PCNX4: variants seen among roughly 807,000 people sequenced by gnomAD.
PCNX4 encodes pecanex-like protein 4.
In PCNX4, 103 loss-of-function variants were observed where a neutral mutation model predicts 107.2. The observed-to-expected ratio is 0.96, with a 90% confidence interval of 0.82 to 1.13. The LOEUF is 1.13. PCNX4 is among the 50% of genes most tolerant of loss of function. The probability of loss-of-function intolerance (pLI) is 0.00; values close to 1 mark genes in which losing one functional copy is unlikely to be tolerated. For missense variants in PCNX4, 1,528 were observed against 1,379.4 expected, an observed-to-expected ratio of 1.11 and a Z score of -1.71; for synonymous variants, 541 against 481.7, an observed-to-expected ratio of 1.12 and a Z score of -1.61.
Position 60,107,737 on chromosome 14 carries a change from C to A in PCNX4, c.99C>A (p.Gly33=), listed in dbSNP as rs780171075. The A allele has an allele frequency of 6.2e-7, 1 of 1,612,608 alleles. No homozygotes were observed. The highest frequency in any genetic ancestry group is 1.1e-5 in the South Asian group (1 of 91,076). ...TTGGAGGCCCTCGATTCAAATTAGG[C>A]TATTGTGCCCCTCCTTACATATATG... is the stretch of plus-strand genomic sequence containing the variant. ...TVLGGPRFKL[G]YCAPPYIYVN... The change falls in exon 2 of 11, where the codon GGC becomes GGA. Residue 33 remains glycine, a synonymous_variant. Coordinates refer to ENST00000406854, the MANE Select transcript of PCNX4 (RefSeq NM_001330177.2).
chr14:60,115,462 G>A lies in PCNX4; in HGVS notation c.1357+1G>A, dbSNP rs751326164. ...GTCAGACGGATTTTGCTAACTTTAG[G>A]TAGGAAGATAAAGTCTATTAACCTT... On this transcript the variant is annotated splice_donor_variant, in intron 4 of 10. Coordinates refer to ENST00000406854, the MANE Select transcript of PCNX4 (RefSeq NM_001330177.2). LOFTEE classifies it high-confidence loss of function. The A allele has an allele frequency of 4.3e-5, 65 of 1,517,474 alleles. No homozygotes were observed. The highest frequency in any genetic ancestry group is 1.2e-5 in the Non-Finnish European group (14 of 1,140,730). The allele number at this position is 1,517,474 out of a possible 1,614,324, so 94.0% of individuals were successfully genotyped here.
chr14:60,127,772 A>G (rs1896082602), intron 10 of PCNX4, among the ~76,000 whole-genome samples: 1 of 152,224 alleles, frequency 6.6e-6, no homozygotes, highest in South Asian at 2.1e-4. Flanking sequence ...AAAGCAGACA[A>G]CCAGGCTTGC....
intron 10 of PCNX4, among the ~76,000 whole-genome samples, chr14:60,128,477 C>T (rs1474808861): frequency 6.6e-6 from 1 of 152,076 alleles, no homozygotes; most frequent in Non-Finnish European, 1.5e-5. Flanking sequence ...AAAGGTTAAC[C>T]AAGGACCCTA....
Position 60,124,260 on chromosome 14 carries a change from C to G in PCNX4, c.2089C>G (p.Arg697Gly). The change falls in exon 9 of 11, where the codon CGC becomes GGC. Residue 697 changes from arginine (R) to glycine (G), a missense_variant. By Grantham distance (125) the Arg-to-Gly change is moderately radical. Transcript: ENST00000406854. ...QETSCHTAEA[R>G]RVDEVFEDAF... ...AACATCCTGTCATACTGCAGAAGCT[C>G]GCAGAGTTGATGAAGTTTTTGAAGA... 1 of 1,602,026 alleles carries G rather than the reference C, an allele frequency of 6.2e-7. No individual in the cohort carries two copies. The highest frequency in any genetic ancestry group is 8.5e-7 in the Non-Finnish European group (1 of 1,173,692).
intron 2 of PCNX4, among the ~76,000 whole-genome samples, chr14:60,114,095 G>A (rs1436723181): frequency 3.9e-5 from 6 of 152,212 alleles, no homozygotes. Flanking sequence ...CAGAGATACA[G>A]TCATAACCTG....
chr14:60,134,068 A>T lies in PCNX4; in HGVS notation c.3366A>T (p.Ser1122=). 2 of 1,613,874 alleles carry T rather than the reference A, an allele frequency of 1.2e-6. No homozygotes were observed. The highest frequency in any genetic ancestry group is 1.7e-6 in the Non-Finnish European group (2 of 1,179,800). Residue 1122 remains serine, a synonymous_variant, in exon 11 of 11, where the codon TCA becomes TCT. Coordinates refer to ENST00000406854, the MANE Select transcript of PCNX4 (RefSeq NM_001330177.2). ...EAVRGQWANL[S]WELLYATNDD... The stretch of plus-strand genomic sequence containing the variant: ...TTAGAGGTCAGTGGGCCAATCTTTC[A>T]TGGGAATTACTTTATGCCACAAACG...
intron 1 of PCNX4, among the ~76,000 whole-genome samples, chr14:60,094,720 C>G (rs373376636): frequency 1.1e-4 from 17 of 151,736 alleles, no homozygotes; most frequent in African/African-American, 3.1e-4. Context: ...CTGCACCCCC[C>G]ACCTCTGCAG....
At chr14:60,131,573 A>G (rs961008866) in intron 10 of PCNX4, among the ~76,000 whole-genome samples, 2 of 152,002 alleles carry the variant, frequency 1.3e-5, no homozygotes, top group Non-Finnish European at 2.9e-5. Flanking sequence ...CTAAATAAAT[A>G]AACATCCAGT....
intron 1 of PCNX4, among the ~76,000 whole-genome samples, chr14:60,095,337 G>A (rs1158117395): frequency 6.6e-6 from 1 of 152,146 alleles, no homozygotes; most frequent in African/African-American, 2.4e-5. Flanking sequence ...TGGGGTAGGG[G>A]AACAATCAGA....
intron 8 of PCNX4, among the ~76,000 whole-genome samples, 169 bp downstream of exon 8, chr14:60,121,468 G>A (rs1895954726): frequency 6.6e-6 from 1 of 152,016 alleles, no homozygotes; most frequent in African/African-American, 2.4e-5. Context: ...GTTGATAGGT[G>A]GACTAATGTT....
Position 60,115,162 on chromosome 14 carries a change from G to A in PCNX4, c.1058G>A (p.Trp353Ter), listed in dbSNP as rs758806716. ...AGTGGTCCGGAAAAACATTTTTCATGGAAGGAATGCCTTTTCTACATCATT... is the reference window on the plus strand; with the variant it reads ...AGTGGTCCGGAAAAACATTTTTCATAGAAGGAATGCCTTTTCTACATCATT... ...LPSGPEKHFS[W>*]KECLFYIIIL... The change falls in exon 4 of 11, where the codon TGG becomes TAG. Residue 353 changes from tryptophan (W) to a stop codon, truncating the protein, a stop_gained. Transcript: ENST00000406854. LOFTEE classifies it high-confidence loss of function. 1 of 1,613,426 alleles carries A rather than the reference G, an allele frequency of 6.2e-7. No homozygotes were observed. Among genetic ancestry groups the A allele is most frequent in the South Asian group, 1.1e-5 (1 of 91,060 alleles).
At chr14:60,093,011 GC>G (rs1421002079) in intron 1 of PCNX4, among the ~76,000 whole-genome samples, 2 of 152,272 alleles carry the variant, frequency 1.3e-5, no homozygotes, top group East Asian at 3.9e-4. Context: ...GGCAAAGACT[GC>G]CCTTCATGTT....
Position 60,134,215 on chromosome 14 carries a change from G to C in PCNX4, c.3513G>C (p.Leu1171Phe), listed in dbSNP as rs920097883. 6.2e-7 allele frequency: 1 copy of C among 1,612,694 alleles called. No homozygotes were observed. Among genetic ancestry groups the C allele is most frequent in the Non-Finnish European group, 8.5e-7 (1 of 1,179,110 alleles). Residue 1171 changes from leucine (L) to phenylalanine (F), a missense_variant, in exon 11 of 11, where the codon TTG becomes TTC. Transcript: ENST00000406854. ...IYSSKPLHIH[L>F]Y ...CTTCAAAACCTCTCCACATACATTTGTATTAGAGCTCATTTTGACTGTAAT... is the reference window on the plus strand; with the variant it reads ...CTTCAAAACCTCTCCACATACATTTCTATTAGAGCTCATTTTGACTGTAAT...
In PCNX4 at chr14:60,144,878, T is replaced by A; in HGVS notation, c.*10657T>A. On this transcript the variant is annotated 3_prime_UTR_variant, in exon 11 of 11. Coordinates refer to ENST00000406854, the MANE Select transcript of PCNX4 (RefSeq NM_001330177.2). ...ATTAAAAAGTAAAATCACAAATTAG[T>A]CTTTGATTATTCAGAAGCATAAGAA... The A allele has an allele frequency of 9.1e-7, 1 of 1,100,016 alleles. No individual in the cohort carries two copies. Among genetic ancestry groups the A allele is most frequent in the Non-Finnish European group, 1.4e-6 (1 of 726,180 alleles). The allele number at this position is 1,100,016 out of a possible 1,614,324, so 68.1% of individuals were successfully genotyped here.
rs1895845177 is a variant in PCNX4 at position 60,116,161 on chromosome 14, C to CT, written c.1578+102dup. The stretch of plus-strand genomic sequence containing the variant: ...TCAGTTTTGTAGTCATCACCACAAT[C>CT]TAATTTTAGAACATTTTCAACATCC... On this transcript the variant is annotated intron_variant, in intron 6 of 10. Coordinates refer to ENST00000406854, the MANE Select transcript of PCNX4 (RefSeq NM_001330177.2). 11 of 1,111,114 alleles carry CT rather than the reference C, an allele frequency of 9.9e-6. No individual in the cohort carries two copies. In the East Asian group the frequency reaches 3.0e-4, roughly 31 times the overall value. 68.8% of individuals were successfully genotyped at this position (1,111,114 alleles called of 1,614,324 possible).
intron 10 of PCNX4, among the ~76,000 whole-genome samples, chr14:60,133,415 G>A (rs935974010): frequency 5.1e-4 from 77 of 152,254 alleles, no homozygotes; most frequent in African/African-American, 1.8e-3. Flanking sequence ...GTATGTTAGT[G>A]GTTGCTTAGG....
chr14:60,133,713 G>A, intron 10 of PCNX4: 1 of 611,394 alleles, frequency 1.6e-6, no homozygotes, highest in African/African-American at 1.8e-5. Context: ...AAAGAGAAGT[G>A]ACTAAGATTT....
At position 60,107,730 on chromosome 14, in the gene PCNX4, A is replaced by G. The variant is rs2296700; in HGVS notation, c.92A>G (p.Lys31Arg). ...PQTVLGGPRF[K>R]LGYCAPPYIY... is the part of the protein sequence containing the mutation. ...ACTGTTCTTGGAGGCCCTCGATTCA[A>G]ATTAGGCTATTGTGCCCCTCCTTAC... The change falls in exon 2 of 11, where the codon AAA becomes AGA. Residue 31 changes from lysine (K) to arginine (R), a missense_variant. Transcript: ENST00000406854. 0.026 allele frequency: 41,466 copies of G among 1,612,694 alleles called. 747 individuals carry two copies. Among genetic ancestry groups the G allele is most frequent in the South Asian group, 0.053 (4,864 of 91,078 alleles).
At chr14:60,098,997 A>G (rs2140529649) in intron 1 of PCNX4, among the ~76,000 whole-genome samples, 1 of 152,146 alleles carries the variant, frequency 6.6e-6, no homozygotes, top group South Asian at 2.1e-4. Flanking sequence ...TATCCATGGC[A>G]TGGCATTCGG....
Sources: allele counts gnomAD v4.1 joint callset (sites outside exome capture counted in the v4.1 genomes callset), GRCh38; gene constraint gnomAD v4.1.1; transcripts MANE v1.5; gene names NCBI Gene and HGNC (gene_info 2026-07-23, HGNC 2026-07-21).